Variants in PCDHA8 observed in about 807,000 individuals in gnomAD.
PCDHA8 encodes protocadherin alpha 8, also known as protocadherin alpha-8.
PCDHA8 carries 53 observed loss-of-function variants against 61.8 expected under a neutral mutation model. That is an observed-to-expected ratio of 0.86 (90% confidence interval 0.69 to 1.08). The LOEUF (loss-of-function observed/expected upper bound fraction) is 1.08. Ranked by LOEUF, PCDHA8 falls within the 50% of genes least tolerant of loss-of-function variation. PCDHA8 has a pLI of 0.00. For synonymous variants in PCDHA8, 618 were observed against 556.6 expected (o/e 1.11, Z -1.55); for missense variants, 1,293 against 1,245.0 (o/e 1.04, Z -0.58).
At chr5:140,980,113 C>T (rs2096877031) in intron 2 of PCDHA8, among the ~76,000 whole-genome samples, 1 of 152,096 alleles carries the variant, frequency 6.6e-6, no homozygotes, top group African/African-American at 2.4e-5. Context: ...ACATTGGAAC[C>T]TGGGTCATAA....
intron 1 of PCDHA8, chr5:140,858,776 C>G (rs2045586511): frequency 2.4e-6 from 1 of 420,578 alleles, no homozygotes; most frequent in Admixed American, 4.3e-5. Context: ...GAGATTAGTA[C>G]TTCATGTTAT....
Position 140,858,255 on chromosome 5 carries a change from C to T in PCDHA8, c.2394+14540C>T, listed in dbSNP as rs782505724. On this transcript the variant is annotated intron_variant, in intron 1 of 3. Coordinates refer to ENST00000531613, the MANE Select transcript of PCDHA8 (RefSeq NM_018911.3). ...GGCGCATGTGGGCCGGTGAAGCCCA[C>T]GCTGGTGTGCTCTAGCGCGGTGGGG... The T allele has an allele frequency of 1.9e-6, 3 of 1,596,960 alleles. No individual in the cohort carries two copies. In the South Asian group the frequency reaches 3.3e-5, roughly 18 times the overall value.
At chr5:140,876,433 A>G (rs1562712994) in intron 1 of PCDHA8, 19 of 1,614,000 alleles carry the variant, frequency 1.2e-5, no homozygotes, top group Non-Finnish European at 1.6e-5. Flanking sequence ...AATTCAGGTT[A>G]ACGCCATTGA....
At chr5:140,854,589 AG>A (rs1479719574) in intron 1 of PCDHA8, 1 of 150,000 alleles carries the variant, frequency 6.7e-6, no homozygotes, top group African/African-American at 2.4e-5. Flanking sequence ...TAATAAAAAA[AG>A]TTTAAAGTAA....
chr5:140,877,680 G>A, intron 1 of PCDHA8: 1 of 1,613,738 alleles, frequency 6.2e-7, no homozygotes, highest in Non-Finnish European at 8.5e-7. Flanking sequence ...CGCCGGGCAA[G>A]CCCACGCTGG....
At chr5:140,987,007 A>T (rs2097221901) in intron 3 of PCDHA8, among the ~76,000 whole-genome samples, 1 of 152,144 alleles carries the variant, frequency 6.6e-6, no homozygotes, top group Non-Finnish European at 1.5e-5. Context: ...TGAGGTCATG[A>T]GTTCGAGACC....
intron 1 of PCDHA8, among the ~76,000 whole-genome samples, chr5:140,956,132 C>G (rs782171826): frequency 2.6e-5 from 4 of 152,028 alleles, no homozygotes; most frequent in Admixed American, 6.6e-5. Context: ...ATTTGAATAC[C>G]CTTTATTTCT....
intron 1 of PCDHA8, among the ~76,000 whole-genome samples, chr5:140,891,121 T>C (rs74535477): frequency 0.041 from 6,261 of 152,308 alleles, 144 homozygotes; most frequent in Middle Eastern, 0.061. Context: ...TCAATCTAAA[T>C]GTCATTCCTT....
intron 1 of PCDHA8, chr5:140,870,906 C>T (rs201710263): frequency 1.2e-6 from 2 of 1,613,948 alleles, no homozygotes; most frequent in African/African-American, 2.7e-5. Flanking sequence ...CGGACTCAGG[C>T]TACAACGCGT....
intron 1 of PCDHA8, among the ~76,000 whole-genome samples, chr5:140,847,260 T>G (rs1285482056): frequency 6.7e-6 from 1 of 149,726 alleles, no homozygotes; most frequent in Non-Finnish European, 1.5e-5. Context: ...TCACGACTTT[T>G]GAAAGAAGGT....
intron 1 of PCDHA8, chr5:140,857,365 C>G (rs251362): frequency 0.53 from 847,286 of 1,597,488 alleles, 260,121 homozygotes; most frequent in South Asian, 0.6. Flanking sequence ...CCACGGCCAG[C>G]GTGTCTGTGG....
At chr5:140,929,424 A>G in intron 1 of PCDHA8, 1 of 1,496,380 alleles carries the variant, frequency 6.7e-7, no homozygotes, top group East Asian at 2.3e-5. Flanking sequence ...ACATTTCATC[A>G]ATTGAACTAA....
intron 1 of PCDHA8, among the ~76,000 whole-genome samples, chr5:140,970,269 A>G (rs1410341195): frequency 6.6e-6 from 1 of 152,184 alleles, no homozygotes; most frequent in East Asian, 1.9e-4. Flanking sequence ...TTTTGATGAG[A>G]TGTAAAGTAG....
chr5:140,975,207 G>A (rs2096658071), intron 1 of PCDHA8, among the ~76,000 whole-genome samples: 1 of 152,180 alleles, frequency 6.6e-6, no homozygotes. Flanking sequence ...CTTCATGGCT[G>A]GCACTGGAGA....
At chr5:140,936,144 T>C (rs1386720304) in intron 1 of PCDHA8, among the ~76,000 whole-genome samples, 2 of 152,158 alleles carry the variant, frequency 1.3e-5, no homozygotes, top group African/African-American at 4.8e-5. Flanking sequence ...CTGCCCGCCT[T>C]GGCCTCCTAA....
intron 1 of PCDHA8, chr5:140,869,583 T>G: frequency 6.2e-7 from 1 of 1,614,152 alleles, no homozygotes; most frequent in Non-Finnish European, 8.5e-7. Flanking sequence ...CTTCTGATGC[T>G]GACATTGAAG....
intron 1 of PCDHA8, chr5:140,882,822 G>C: frequency 6.2e-7 from 1 of 1,614,198 alleles, no homozygotes; most frequent in South Asian, 1.1e-5. Context: ...GCACAAAACA[G>C]TCTTGAGCAA....
intron 1 of PCDHA8, chr5:140,877,370 C>G (rs781905172): frequency 6.2e-7 from 1 of 1,614,004 alleles, no homozygotes; most frequent in Admixed American, 1.7e-5. Context: ...GAGATCAGCA[C>G]GACACGCATC....
Position 140,848,783 on chromosome 5 carries a change from C to A in PCDHA8, c.2394+5068C>A, listed in dbSNP as rs2150420389. 1.5e-5 allele frequency: 24 copies of A among 1,593,092 alleles called. 2 individuals carry two copies. The highest frequency in any genetic ancestry group is 2.2e-5 in the East Asian group (1 of 44,812). On this transcript the variant is annotated intron_variant, in intron 1 of 3. Transcript: ENST00000531613. ...CTCGGATCGACCGCGAGGAGCTGTG[C>A]GGGCGGAGCGCGGAGTGCAGCATCC... is the stretch of plus-strand genomic sequence containing the variant.
Sources: gnomAD v4.1 joint callset for allele counts (sites outside exome capture counted in the v4.1 genomes callset) on GRCh38, gnomAD v4.1.1 for gene constraint, MANE v1.5 for transcripts, NCBI Gene and HGNC (gene_info 2026-07-23, HGNC 2026-07-21) for gene names.